The following FHIT variants were observed in gnomAD, a reference collection of about 807,000 sequenced individuals.
The protein encoded by FHIT is bis(5'-adenosyl)-triphosphatase.
A neutral mutation model predicts 17.9 loss-of-function variants in FHIT; 19 were observed. The ratio of observed to expected loss-of-function variants is 1.06; its 90% confidence interval spans 0.74 to 1.56. FHIT has a LOEUF of 1.56. FHIT is among the 40% of genes most tolerant of loss of function. FHIT has a pLI of 0.00. For synonymous variants in FHIT, 81 were observed against 69.7 expected, an observed-to-expected ratio of 1.16 and a Z score of -0.81; for missense variants, 248 against 189.2, an observed-to-expected ratio of 1.31 and a Z score of -1.82.
intron 3 of FHIT, among the ~76,000 whole-genome samples, chr3:60,930,081 C>A (rs1553771260): frequency 6.6e-6 from 1 of 152,114 alleles, no homozygotes; most frequent in Non-Finnish European, 1.5e-5. Flanking sequence ...ACTATCTGAT[C>A]TTTGACAAAC....
At chr3:60,013,084 T>C (rs1390634400) in intron 6 of FHIT, among the ~76,000 whole-genome samples, 2 of 152,026 alleles carry the variant, frequency 1.3e-5, no homozygotes, top group Non-Finnish European at 1.5e-5. Flanking sequence ...AACACAGACA[T>C]GGCAGCAAAA....
chr3:60,001,849 C>G (rs772206971), intron 7 of FHIT, among the ~76,000 whole-genome samples: 1 of 152,086 alleles, frequency 6.6e-6, no homozygotes, highest in Non-Finnish European at 1.5e-5. Flanking sequence ...AACCTGATTA[C>G]GTCTGGGAAT....
intron 8 of FHIT, among the ~76,000 whole-genome samples, chr3:59,862,731 C>T (rs1001565314): frequency 2.6e-5 from 4 of 152,076 alleles, no homozygotes; most frequent in Non-Finnish European, 4.4e-5. Flanking sequence ...GAAGTAAGAT[C>T]GGGAGGGAAG....
intron 5 of FHIT, among the ~76,000 whole-genome samples, chr3:60,384,836 TA>T (rs5849358): frequency 0.29 from 39,363 of 135,122 alleles, 5,344 homozygotes; most frequent in East Asian, 0.46. Context: ...TTCACATTAG[TA>T]AAAAAAAAAA....
At chr3:59,991,070 C>T (rs1045735806) in intron 7 of FHIT, among the ~76,000 whole-genome samples, 22 of 152,030 alleles carry the variant, frequency 1.4e-4, no homozygotes, top group African/African-American at 5.1e-4. Flanking sequence ...AGGATTGACA[C>T]ACTTCAGCAG....
At chr3:60,891,625 A>G (rs1705521034) in intron 3 of FHIT, among the ~76,000 whole-genome samples, 1 of 152,202 alleles carries the variant, frequency 6.6e-6, no homozygotes, top group African/African-American at 2.4e-5. Flanking sequence ...ATAAGCCAAT[A>G]AAATATCATT....
chr3:59,786,686 G>C (rs1699315791), intron 8 of FHIT, among the ~76,000 whole-genome samples: 1 of 152,186 alleles, frequency 6.6e-6, no homozygotes, highest in African/African-American at 2.4e-5. Flanking sequence ...TCCCTCCTTT[G>C]CAATTTGCAC....
intron 5 of FHIT, among the ~76,000 whole-genome samples, chr3:60,409,310 T>C (rs952761466): frequency 6.6e-6 from 1 of 152,146 alleles, no homozygotes; most frequent in African/African-American, 2.4e-5. Context: ...ATCATAACCC[T>C]TTGTTTAGAG....
intron 5 of FHIT, among the ~76,000 whole-genome samples, chr3:60,356,494 G>T (rs113425938): frequency 4.6e-5 from 7 of 152,122 alleles, no homozygotes; most frequent in African/African-American, 1.7e-4. Flanking sequence ...ACAGTAAAAT[G>T]TAAGACTAGT....
intron 8 of FHIT, among the ~76,000 whole-genome samples, chr3:59,851,288 T>A (rs914555661): frequency 2.6e-5 from 4 of 152,202 alleles, no homozygotes; most frequent in African/African-American, 4.8e-5. Context: ...AGCTACTGGT[T>A]AAATGTCAGG....
At chr3:60,793,850 A>G (rs1553729371) in intron 4 of FHIT, among the ~76,000 whole-genome samples, 1 of 152,168 alleles carries the variant, frequency 6.6e-6, no homozygotes. Flanking sequence ...AGACCTAGTG[A>G]AGCCAGCAGC....
intron 2 of FHIT, among the ~76,000 whole-genome samples, chr3:61,197,611 ATTGAGTTT>A (rs1445775302): frequency 2.6e-5 from 4 of 152,250 alleles, no homozygotes; most frequent in African/African-American, 4.8e-5. Flanking sequence ...ACTGGAAGTA[ATTGAGTTT>A]TCAATCACAT....
At chr3:60,136,880 G>T (rs545588819) in intron 5 of FHIT, among the ~76,000 whole-genome samples, 1 of 152,138 alleles carries the variant, frequency 6.6e-6, no homozygotes, top group African/African-American at 2.4e-5. Flanking sequence ...CTAGAAAAAA[G>T]GAAGCTCAAA....
intron 4 of FHIT, among the ~76,000 whole-genome samples, chr3:60,791,764 T>C (rs1273900223): frequency 6.6e-6 from 1 of 152,202 alleles, no homozygotes; most frequent in Non-Finnish European, 1.5e-5. Flanking sequence ...TGAGGGCCAG[T>C]ATGAATGAGA....
Position 61,202,102 on chromosome 3 carries a change from A to T in FHIT, c.-212-1437T>A, listed in dbSNP as rs189600863. Among the ~76,000 whole-genome samples the T allele has an allele frequency of 6.7e-3, 1,009 of 150,626 alleles. 5 individuals carry two copies. The highest frequency in any genetic ancestry group is 0.021 in the Middle Eastern group (6 of 290). Reference sequence around the variant, plus strand: ...CACACACACACACACGCACATACACACACATATATAGCCAAGCCCAAAAGA... The same window carrying T: ...CACACACACACACACGCACATACACTCACATATATAGCCAAGCCCAAAAGA... On this transcript the variant is annotated intron_variant, in intron 1 of 9. Transcript: ENST00000492590.
At chr3:60,754,491 C>T (rs575745439) in intron 4 of FHIT, among the ~76,000 whole-genome samples, 34 of 152,096 alleles carry the variant, frequency 2.2e-4, no homozygotes, top group Non-Finnish European at 4.4e-4. Flanking sequence ...ATTAGCCGGG[C>T]GTGGTGGCAC....
chr3:60,581,523 C>A (rs1418509577), intron 4 of FHIT, among the ~76,000 whole-genome samples: 4 of 151,948 alleles, frequency 2.6e-5, no homozygotes, highest in Non-Finnish European at 5.9e-5. Context: ...AATTAATTAT[C>A]CTTCCACTGT....
intron 5 of FHIT, among the ~76,000 whole-genome samples, chr3:60,074,155 C>T (rs894032935): frequency 6.6e-6 from 1 of 152,138 alleles, no homozygotes; most frequent in South Asian, 2.1e-4. Flanking sequence ...TCAAAACAAG[C>T]CAAGCTGGCC....
At chr3:61,242,355 A>G (rs2040393276) in intron 1 of FHIT, among the ~76,000 whole-genome samples, 1 of 152,154 alleles carries the variant, frequency 6.6e-6, no homozygotes, top group East Asian at 1.9e-4. Flanking sequence ...TTTCCTTTGT[A>G]AAGGTGACAT....
Sources: gnomAD v4.1 joint callset for allele counts (sites outside exome capture counted in the v4.1 genomes callset) on GRCh38, gnomAD v4.1.1 for gene constraint, MANE v1.5 for transcripts, NCBI Gene and HGNC (gene_info 2026-07-23, HGNC 2026-07-21) for gene names.